AGR3: variants seen among roughly 807,000 people sequenced by gnomAD.
AGR3 encodes anterior gradient 3, protein disulphide isomerase family member.
AGR3 carries 37 observed loss-of-function variants against 24.5 expected under a neutral mutation model. The ratio of observed to expected loss-of-function variants is 1.51; its 90% CI spans 1.16 to 1.99. The LOEUF is 1.99. Among genes scored for constraint, AGR3 ranks in the 30% most tolerant of loss-of-function variants. AGR3 has a pLI of 0.00. For missense variants in AGR3, 228 were observed against 191.1 expected, an observed-to-expected ratio of 1.19 and a Z score of -1.14; for synonymous variants, 75 against 61.6, an observed-to-expected ratio of 1.22 and a Z score of -1.02.
downstream of AGR3, among the ~76,000 whole-genome samples, chr7:16,855,644 A>G (rs1396273412): frequency 2.0e-5 from 3 of 152,204 alleles, no homozygotes; most frequent in East Asian, 5.8e-4. Context: ...CGAAAAAGGC[A>G]GATGTTGCGC....
At chr7:16,865,239 C>A (rs1781732745) in intron 3 of AGR3, 2 of 810,292 alleles carry the variant, frequency 2.5e-6, no homozygotes, top group Admixed American at 4.4e-5. Flanking sequence ...TAAAGACATT[C>A]TTTTTTTCCT....
intron 3 of AGR3, among the ~76,000 whole-genome samples, chr7:16,869,688 T>G (rs1041000911): frequency 4.6e-5 from 7 of 151,608 alleles, no homozygotes; most frequent in African/African-American, 1.7e-4. Context: ...TTTTTTTTTT[T>G]TTTTTTGCAG....
At chr7:16,875,425 C>A (rs557444651) in intron 2 of AGR3, among the ~76,000 whole-genome samples, 7 of 152,198 alleles carry the variant, frequency 4.6e-5, no homozygotes, top group African/African-American at 1.2e-4. Context: ...CCTTATAGTG[C>A]CATGTATTAT....
intron 2 of AGR3, among the ~76,000 whole-genome samples, chr7:16,877,899 A>G (rs1053925926): frequency 2.6e-5 from 4 of 151,940 alleles, no homozygotes; most frequent in Non-Finnish European, 4.4e-5. Context: ...TTTTAATAAA[A>G]TGTTTCTTTA....
At chr7:16,877,546 T>C (rs1484672457) in intron 2 of AGR3, among the ~76,000 whole-genome samples, 1 of 151,732 alleles carries the variant, frequency 6.6e-6, no homozygotes, top group Admixed American at 6.6e-5. Flanking sequence ...TTCTGTTACT[T>C]AGAGATATAG....
chr7:16,875,107 T>C, intron 2 of AGR3, among the ~76,000 whole-genome samples: 1 of 93,664 alleles, frequency 1.1e-5, no homozygotes. Context: ...AGAGCGAGAC[T>C]CCATCTCAAA....
intron 1 of AGR3, among the ~76,000 whole-genome samples, chr7:16,880,368 C>A (rs976584040): frequency 2.0e-5 from 3 of 151,790 alleles, no homozygotes; most frequent in African/African-American, 7.3e-5. Context: ...ACCATGTTGG[C>A]CAGGCTGATC....
chr7:16,860,545 ATC>A lies in AGR3; in HGVS notation c.404_405del (p.Arg135IlefsTer3). The A allele has an allele frequency of 1.9e-6, 3 of 1,613,968 alleles. No individual in the cohort carries two copies. The highest frequency in any genetic ancestry group is 1.1e-5 in the South Asian group (1 of 91,014). ...TCATATGTGTACAATCTGTTAGAGT[ATC>A]TTCCAGCTATGTCAGCTCTAACTGT... is the stretch of plus-strand genomic sequence containing the variant. ...SLTVRADIAG[R>X]YSNRLYTYEP... is the part of the protein sequence containing the mutation. On this transcript the variant is annotated frameshift_variant, in exon 7 of 8. Coordinates refer to ENST00000310398, the MANE Select transcript of AGR3 (RefSeq NM_176813.5). LOFTEE classifies it low-confidence loss of function (END_TRUNC).
intron 3 of AGR3, chr7:16,864,373 C>G: frequency 7.6e-7 from 1 of 1,312,556 alleles, no homozygotes; most frequent in African/African-American, 1.5e-5. Flanking sequence ...ACTATTCTGA[C>G]TCAGAGGAAG....
intron 3 of AGR3, among the ~76,000 whole-genome samples, chr7:16,870,209 T>G (rs947620167): frequency 1.3e-5 from 2 of 152,068 alleles, no homozygotes; most frequent in Admixed American, 1.3e-4. Flanking sequence ...CAAGTTTTTT[T>G]GGATGTGTTT....
intron 3 of AGR3, among the ~76,000 whole-genome samples, chr7:16,869,042 A>G (rs963813023): frequency 6.6e-6 from 1 of 152,132 alleles, no homozygotes; most frequent in Non-Finnish European, 1.5e-5. Context: ...AATGCTCTGT[A>G]TATGTTTGTT....
At position 16,860,491 on chromosome 7, in the gene AGR3, A is replaced by C; in HGVS notation, c.451+9T>G. ...TGACCACTGTTTGAGATCATTTGTG[A>C]ATACTTACATAGGGGTAAATCCCGA... On this transcript the variant is annotated intron_variant, in intron 7 of 7. Transcript: ENST00000310398. The C allele has an allele frequency of 6.2e-7, 1 of 1,602,790 alleles. No homozygotes were observed. Among genetic ancestry groups the C allele is most frequent in the African/African-American group, 1.3e-5 (1 of 74,820 alleles).
At chr7:16,870,681 T>C (rs1171317152) in intron 3 of AGR3, among the ~76,000 whole-genome samples, 1 of 152,158 alleles carries the variant, frequency 6.6e-6, no homozygotes, top group African/African-American at 2.4e-5. Flanking sequence ...TCCTTATAAA[T>C]ATTAAATTAT....
At chr7:16,874,506 G>GA (rs1261467331) in intron 2 of AGR3, among the ~76,000 whole-genome samples, 6 of 152,180 alleles carry the variant, frequency 3.9e-5, no homozygotes, top group African/African-American at 1.2e-4. Context: ...AGCAATTAAA[G>GA]ATAAAATCAT....
At position 16,877,876 on chromosome 7, in the gene AGR3, A is replaced by AAG. The variant is rs1554282183; in HGVS notation, c.109+632_109+633dup. Among the ~76,000 whole-genome samples the AAG allele has an allele frequency of 2.5e-3, 363 of 146,934 alleles. 2 individuals carry two copies. The highest frequency in any genetic ancestry group is 7.0e-3 in the Middle Eastern group (2 of 284). On this transcript the variant is annotated intron_variant, in intron 2 of 7. Transcript: ENST00000310398. Reference sequence around the variant, plus strand: ...AGACTCCGTCTCAAAAAAAAAAAAAAAGAGAGAATTTTTTTTAATAAAATG... The same window carrying AAG: ...AGACTCCGTCTCAAAAAAAAAAAAAAAGAGAGAGAATTTTTTTTAATAAAATG...
At chr7:16,866,324 T>C in intron 3 of AGR3, 1 of 532,900 alleles carries the variant, frequency 1.9e-6, no homozygotes, top group South Asian at 1.5e-5. Context: ...ACTGTAATAG[T>C]TCCCATCCAT....
intron 2 of AGR3, 61 bp from the exon 3 acceptor site, chr7:16,873,904 G>C: frequency 8.1e-7 from 1 of 1,232,946 alleles, no homozygotes; most frequent in Non-Finnish European, 1.2e-6. Flanking sequence ...TCGGAAATGG[G>C]TATCTAATAA....
At chr7:16,863,743 TTAATA>T (rs1432157980) in intron 3 of AGR3, among the ~76,000 whole-genome samples, 4 of 151,994 alleles carry the variant, frequency 2.6e-5, no homozygotes, top group African/African-American at 9.7e-5. Context: ...TTCTATTATA[TTAATA>T]TTTTATCTTA....
intron 7 of AGR3, 27 bp from the exon 8 acceptor site, chr7:16,859,658 G>T (rs1390371642): frequency 2.2e-6 from 3 of 1,369,656 alleles, no homozygotes; most frequent in South Asian, 1.3e-5. Flanking sequence ...TATATATTAT[G>T]CTATTAATAA....
Sources: allele counts gnomAD v4.1 joint callset (sites outside exome capture counted in the v4.1 genomes callset), GRCh38; gene constraint gnomAD v4.1.1; transcripts MANE v1.5; gene names NCBI Gene and HGNC (gene_info 2026-07-23, HGNC 2026-07-21).